Variants in GNAO1 observed in about 807,000 individuals in gnomAD.
GNAO1 encodes the protein G protein subunit alpha o1.
For synonymous variants in GNAO1, 164 were observed against 180.7 expected (o/e 0.91, Z 0.74); for missense variants, 166 against 478.7 (o/e 0.35, Z 6.10).
chr16:56,231,800 A>G (rs1325456673), intron 2 of GNAO1, among the ~76,000 whole-genome samples: 1 of 152,138 alleles, frequency 6.6e-6, no homozygotes, highest in Non-Finnish European at 1.5e-5. Context: ...TCCAACCTGT[A>G]TTTCCCAAGG....
intron 3 of GNAO1, among the ~76,000 whole-genome samples, chr16:56,309,243 C>T (rs1567478017): frequency 6.6e-6 from 1 of 152,158 alleles, no homozygotes; most frequent in African/African-American, 2.4e-5. Context: ...AACAAAGCTC[C>T]TTCACAGAAC....
intron 7 of GNAO1, chr16:56,352,268 C>G (rs370851582): frequency 6.5e-6 from 1 of 152,698 alleles, no homozygotes; most frequent in East Asian, 1.9e-4. Flanking sequence ...ACCTTCCCCC[C>G]CACCCGGCTC....
rs566889402 is a variant in GNAO1, at chr16:56,345,559, G to A, written c.724-5825G>A. The stretch of plus-strand genomic sequence containing the variant: ...CTAGTGCCAAATGCCTGCAGGGACC[G>A]GTGCCTGGGGAGCCTCTGGCAGCCG... On this transcript the variant is annotated intron_variant, in intron 6 of 8. Transcript: ENST00000262493. 1.4e-4 allele frequency: 137 copies of A among 985,320 alleles called. No individual in the cohort carries two copies. In the South Asian group the frequency reaches 3.9e-3, roughly 28 times the overall value. 61.0% of individuals were successfully genotyped at this position (985,320 alleles called of 1,614,324 possible). A position where few individuals can be genotyped will look rare whatever the true frequency, so the allele number is the denominator to read the frequency against.
At chr16:56,269,094 T>C (rs1282008609) in intron 2 of GNAO1, among the ~76,000 whole-genome samples, 1 of 152,190 alleles carries the variant, frequency 6.6e-6, no homozygotes, top group Non-Finnish European at 1.5e-5. Flanking sequence ...AGCACAGCTC[T>C]CCGTCAGTGT....
chr16:56,232,224 TC>T (rs2036595420), intron 2 of GNAO1, among the ~76,000 whole-genome samples: 1 of 152,214 alleles, frequency 6.6e-6, no homozygotes, highest in South Asian at 2.1e-4. Flanking sequence ...AGCAAGGGCT[TC>T]CTAATGCTTG....
At chr16:56,208,388 T>G (rs183313776) in intron 2 of GNAO1, among the ~76,000 whole-genome samples, 1 of 152,202 alleles carries the variant, frequency 6.6e-6, no homozygotes, top group East Asian at 1.9e-4. Flanking sequence ...TCATTTTGAG[T>G]TTGGAGCAGT....
chr16:56,313,958 G>C (rs534714070), intron 3 of GNAO1, among the ~76,000 whole-genome samples: 1 of 147,108 alleles, frequency 6.8e-6, no homozygotes, highest in Non-Finnish European at 1.5e-5. Context: ...GCTGGTCAAT[G>C]ACCCTTTCCT....
chr16:56,213,064 C>T (rs537050503), intron 2 of GNAO1, among the ~76,000 whole-genome samples: 137 of 152,208 alleles, frequency 9.0e-4, no homozygotes, highest in Non-Finnish European at 1.5e-3. Context: ...TGGCAGAACT[C>T]GGAGTCTCAC....
intron 1 of GNAO1, 89 bp from the exon 2 acceptor site, chr16:56,192,485 C>CCACCCCCTCGCATGCCTTAGT: frequency 1.1e-6 from 1 of 915,190 alleles, no homozygotes; most frequent in Admixed American, 1.7e-5. Context: ...CCAGGATCGC[C>CCACCCCCTCGCATGCCTTAGT]CACCCCCTCG....
intron 2 of GNAO1, among the ~76,000 whole-genome samples, chr16:56,199,751 A>G (rs1300753860): frequency 2.0e-5 from 3 of 152,218 alleles, no homozygotes; most frequent in Non-Finnish European, 4.4e-5. Context: ...TAGAAGCCTG[A>G]AAGGCGGTGG....
At chr16:56,355,807 G>A (rs2037962413) in intron 8 of GNAO1, 1 of 152,246 alleles carries the variant, frequency 6.6e-6, no homozygotes, top group African/African-American at 2.4e-5. Flanking sequence ...TTCACCTGCA[G>A]AGTTGAAACC....
At chr16:56,233,675 G>A (rs760258443) in intron 2 of GNAO1, among the ~76,000 whole-genome samples, 2 of 152,186 alleles carry the variant, frequency 1.3e-5, no homozygotes, top group Non-Finnish European at 2.9e-5. Flanking sequence ...GTCTGTGTCT[G>A]CCCAGCCAGA....
intron 4 of GNAO1, among the ~76,000 whole-genome samples, chr16:56,333,819 T>C (rs2037715142): frequency 6.6e-6 from 1 of 152,260 alleles, no homozygotes; most frequent in Admixed American, 6.5e-5. Context: ...GGCTCCTCCC[T>C]GTGGGCTGCT....
At chr16:56,246,508 T>G (rs1470300237) in intron 2 of GNAO1, among the ~76,000 whole-genome samples, 1 of 151,930 alleles carries the variant, frequency 6.6e-6, no homozygotes, top group Non-Finnish European at 1.5e-5. Context: ...GACGATCAAG[T>G]TCAGTGTCTC....
chr16:56,232,424 C>G (rs2036597714), intron 2 of GNAO1, among the ~76,000 whole-genome samples: 2 of 152,200 alleles, frequency 1.3e-5, no homozygotes, highest in East Asian at 3.9e-4. Context: ...TACCTCCCCT[C>G]AGAAGAGTTG....
At chr16:56,321,301 A>C (rs2037569369) in intron 3 of GNAO1, among the ~76,000 whole-genome samples, 2 of 152,260 alleles carry the variant, frequency 1.3e-5, no homozygotes, top group African/African-American at 4.8e-5. Flanking sequence ...TAGAAAGCCC[A>C]GAGGTCTCTG....
At chr16:56,288,933 C>T (rs1482532044) in intron 3 of GNAO1, among the ~76,000 whole-genome samples, 3 of 152,110 alleles carry the variant, frequency 2.0e-5, no homozygotes, top group African/African-American at 7.2e-5. Context: ...GCCCCTCCCC[C>T]ACCCTACCTC....
At chr16:56,221,013 T>G (rs569152889) in intron 2 of GNAO1, among the ~76,000 whole-genome samples, 1 of 152,240 alleles carries the variant, frequency 6.6e-6, no homozygotes, top group Non-Finnish European at 1.5e-5. Context: ...CCCAAAGTGC[T>G]GGGATTACAG....
At chr16:56,194,560 T>C (rs1261158187) in intron 2 of GNAO1, 3 of 247,216 alleles carry the variant, frequency 1.2e-5, no homozygotes, top group Non-Finnish European at 2.5e-5. Flanking sequence ...CGGTGCGGTC[T>C]GGGCGCGGGG....
Sources: gnomAD v4.1 joint callset for allele counts (sites outside exome capture counted in the v4.1 genomes callset) on GRCh38, gnomAD v4.1.1 for gene constraint, MANE v1.5 for transcripts, NCBI Gene and HGNC (gene_info 2026-07-23, HGNC 2026-07-21) for gene names.